The following CCDC62 variants were observed in gnomAD, a reference collection of about 807,000 sequenced individuals.
The protein encoded by CCDC62 is coiled-coil domain containing 62, also known as coiled-coil domain-containing protein 62.
CCDC62 carries 72 observed loss-of-function variants against 80.8 expected under a neutral mutation model. The ratio of observed to expected loss-of-function variants is 0.89; its 90% CI spans 0.74 to 1.08. The LOEUF (loss-of-function observed/expected upper bound fraction) is 1.08, where lower values mean the gene tolerates loss of function less well. Among genes scored for constraint, CCDC62 ranks in the 50% least tolerant of loss-of-function variants. The probability of loss-of-function intolerance (pLI) is 0.00; values close to 1 mark genes in which losing one functional copy is unlikely to be tolerated. For missense variants in CCDC62, 704 were observed against 809.4 expected, an observed-to-expected ratio of 0.87 and a Z score of 1.58; for synonymous variants, 286 against 296.5, an observed-to-expected ratio of 0.96 and a Z score of 0.36.
intron 11 of CCDC62, among the ~76,000 whole-genome samples, chr12:122,819,042 G>C (rs1169391654): frequency 6.6e-6 from 1 of 152,174 alleles, no homozygotes; most frequent in Non-Finnish European, 1.5e-5. Flanking sequence ...ACAAAGTACA[G>C]CTAGAATCAG....
At chr12:122,803,029 CA>C (rs2031397014) in intron 9 of CCDC62, among the ~76,000 whole-genome samples, 1 of 152,038 alleles carries the variant, frequency 6.6e-6, no homozygotes, top group Non-Finnish European at 1.5e-5. Context: ...GACTCTATTT[CA>C]AAAACATTTG....
chr12:122,784,737 A>T (rs1304871851), intron 3 of CCDC62, among the ~76,000 whole-genome samples: 1 of 152,144 alleles, frequency 6.6e-6, no homozygotes, highest in African/African-American at 2.4e-5. Context: ...CGGGACACTG[A>T]GGTGGGAGGA....
intron 5 of CCDC62, among the ~76,000 whole-genome samples, chr12:122,791,204 G>A (rs141545138): frequency 0.016 from 2,467 of 152,106 alleles, 70 homozygotes; most frequent in African/African-American, 0.057. Flanking sequence ...GCAATGGCGC[G>A]ATCTCAGCTC....
intron 9 of CCDC62, 114 bp downstream of exon 9, chr12:122,801,966 C>A: frequency 8.6e-7 from 1 of 1,166,526 alleles, no homozygotes. Context: ...GGCATGTTTG[C>A]TAACAGAAAT....
At chr12:122,821,481 A>C (rs1440547844) in intron 11 of CCDC62, among the ~76,000 whole-genome samples, 1 of 151,966 alleles carries the variant, frequency 6.6e-6, no homozygotes, top group African/African-American at 2.4e-5. Flanking sequence ...ACAGGGTGTC[A>C]CTCTCTCGCT....
intron 3 of CCDC62, among the ~76,000 whole-genome samples, chr12:122,782,025 CAAAA>C (rs370400310): frequency 7.6e-5 from 5 of 65,372 alleles, no homozygotes; most frequent in African/African-American, 9.3e-5. Flanking sequence ...GCCTGGGTGA[CAAAA>C]AAAAAAAAAA....
At chr12:122,821,727 G>A (rs1431241417) in intron 11 of CCDC62, among the ~76,000 whole-genome samples, 1 of 152,110 alleles carries the variant, frequency 6.6e-6, no homozygotes, top group African/African-American at 2.4e-5. Flanking sequence ...GATTGCAGGC[G>A]TGAGCCACTG....
At chr12:122,781,598 T>C (rs2135530239) in intron 3 of CCDC62, among the ~76,000 whole-genome samples, 1 of 151,598 alleles carries the variant, frequency 6.6e-6, no homozygotes, top group African/African-American at 2.4e-5. Context: ...GGCAGGAGAA[T>C]CGTTTGAACC....
rs2030640829 is a variant in CCDC62, at chr12:122,792,044, A to G, written c.695A>G (p.Glu232Gly). 1 of 1,613,910 alleles carries G rather than the reference A, an allele frequency of 6.2e-7. No individual in the cohort carries two copies. The highest frequency in any genetic ancestry group is 1.7e-5 in the Admixed American group (1 of 59,992). The stretch of plus-strand genomic sequence containing the variant: ...GAGGACCTCAATGAAAAGACGACAG[A>G]AAATAATGAGCAACGAGAAGAGATC... ...LKEDLNEKTT[E>G]NNEQREEIIR... The change falls in exon 6 of 13, where the codon GAA (glutamate) becomes GGA (glycine). Residue 232 changes from glutamate to glycine, a missense_variant. Physicochemically the swap from Glu to Gly is moderately conservative, Grantham distance 98. Transcript: ENST00000253079.
chr12:122,816,305 T>C (rs914189057), intron 11 of CCDC62, among the ~76,000 whole-genome samples: 1 of 152,258 alleles, frequency 6.6e-6, no homozygotes, highest in African/African-American at 2.4e-5. Context: ...ATGACAAAAC[T>C]ATTTTGGTGC....
chr12:122,823,133 G>A (rs1023890388), intron 11 of CCDC62, among the ~76,000 whole-genome samples: 1 of 152,116 alleles, frequency 6.6e-6, no homozygotes, highest in Non-Finnish European at 1.5e-5. Context: ...GCTCATTTTT[G>A]TATTTTTGGT....
intron 11 of CCDC62, among the ~76,000 whole-genome samples, chr12:122,816,514 C>A (rs2032169995): frequency 6.6e-6 from 1 of 152,112 alleles, no homozygotes; most frequent in African/African-American, 2.4e-5. Flanking sequence ...TCACTTGAGC[C>A]AAGGAGTTTG....
rs182682529 is a variant in CCDC62, at chr12:122,795,298, G to T, written c.773-2009G>T. 1.6e-3 allele frequency among the ~76,000 whole-genome samples: 243 copies of T among 152,154 alleles called. 1 individual carries two copies. The highest frequency in any genetic ancestry group is 5.3e-3 in the African/African-American group (222 of 41,514). On this transcript the variant is annotated intron_variant, in intron 6 of 12. Transcript: ENST00000253079. ...ACTCTTGAGCTCAGACAATCCACCC[G>T]CCTCGGCCTCCCAAAGTGTTAGGAT...
At chr12:122,796,683 C>T (rs1414151901) in intron 6 of CCDC62, among the ~76,000 whole-genome samples, 1 of 152,000 alleles carries the variant, frequency 6.6e-6, no homozygotes, top group African/African-American at 2.4e-5. Flanking sequence ...CATGGTGAAA[C>T]ACAGGAGTTC....
In CCDC62 at chr12:122,798,107, A is replaced by G; in HGVS notation, c.884A>G (p.Asp295Gly). Residue 295 changes from aspartate (D) to glycine (G), a missense_variant, in exon 8 of 13, where the codon GAT becomes GGT. Physicochemically the swap from Asp to Gly is moderately conservative, Grantham distance 94. Transcript: ENST00000253079. Reference protein sequence around the residue: ...LRQIYVKQQSDLQFLNFNVEN... With the variant: ...LRQIYVKQQSGLQFLNFNVEN... ...CAGATTTATGTAAAACAACAGAGTG[A>G]TCTGCAGTTTCTTAATTTCAATGTG... 6.6e-7 allele frequency: 1 copy of G among 1,520,344 alleles called. No individual in the cohort carries two copies. Among genetic ancestry groups the G allele is most frequent in the Non-Finnish European group, 9.1e-7 (1 of 1,095,040 alleles). 94.2% of individuals were successfully genotyped at this position (1,520,344 alleles called of 1,614,324 possible).
intron 10 of CCDC62, among the ~76,000 whole-genome samples, chr12:122,810,253 T>G (rs1232617702): frequency 6.6e-6 from 1 of 151,876 alleles, no homozygotes; most frequent in Non-Finnish European, 1.5e-5. Context: ...TGGGAGAAAA[T>G]TTTTGCAATC....
rs1293508547 is a variant in CCDC62 at position 122,801,605 on chromosome 12, C to T, written c.1459C>T (p.Gln487Ter). ...TCCAGAAAAGCTGGATGTAGAATGT[C>T]AAGATCAGATGGAAAGGTCCGAAAT... ...KHPEKLDVECQDQMERSEISC... is the reference protein window; with the variant it reads ...KHPEKLDVEC Residue 487 changes from glutamine to a stop codon, truncating the protein, a stop_gained, in exon 9 of 13, where the codon CAA (glutamine) becomes TAA (stop). Coordinates refer to ENST00000253079, the MANE Select transcript of CCDC62 (RefSeq NM_201435.5). LOFTEE classifies it high-confidence loss of function. 4 of 1,614,146 alleles carry T rather than the reference C, an allele frequency of 2.5e-6. No homozygotes were observed. Among genetic ancestry groups the T allele is most frequent in the Non-Finnish European group, 3.4e-6 (4 of 1,180,034 alleles).
chr12:122,811,673 A>G (rs1321317200), intron 10 of CCDC62, among the ~76,000 whole-genome samples: 2 of 151,352 alleles, frequency 1.3e-5, no homozygotes, highest in African/African-American at 4.8e-5. Context: ...TACAAAAATT[A>G]GCTGGGCGTG....
intron 11 of CCDC62, among the ~76,000 whole-genome samples, chr12:122,819,929 G>A (rs1406911311): frequency 6.6e-6 from 1 of 151,796 alleles, no homozygotes; most frequent in African/African-American, 2.4e-5. Flanking sequence ...GGGCATGGTG[G>A]TGCACACTTG....
Sources: gnomAD v4.1 joint callset for allele counts (sites outside exome capture counted in the v4.1 genomes callset) on GRCh38, gnomAD v4.1.1 for gene constraint, MANE v1.5 for transcripts, NCBI Gene and HGNC (gene_info 2026-07-23, HGNC 2026-07-21) for gene names.